Variants in DPP6 observed in about 807,000 individuals in gnomAD.
The protein encoded by DPP6 is dipeptidyl peptidase like 6, also known as A-type potassium channel modulatory protein DPP6.
DPP6 carries 69 observed loss-of-function variants against 122.6 expected under a neutral mutation model. The ratio of observed to expected loss-of-function variants is 0.56; its 90% CI spans 0.46 to 0.69. The LOEUF (loss-of-function observed/expected upper bound fraction) is 0.69, where lower values mean the gene tolerates loss of function less well. DPP6 is among the 30% of genes least tolerant of loss of function. DPP6 has a pLI of 0.00. For missense variants in DPP6, 928 were observed against 1,116.9 expected (o/e 0.83, Z 2.41); for synonymous variants, 418 against 433.1 (o/e 0.97, Z 0.43).
At chr7:154,560,824 C>T (rs138484373) in intron 4 of DPP6, among the ~76,000 whole-genome samples, 103 of 150,420 alleles carry the variant, frequency 6.8e-4, no homozygotes, top group Non-Finnish European at 1.1e-3. Context: ...CAGAGGTTGC[C>T]GTGAACTGAG....
intron 1 of DPP6, among the ~76,000 whole-genome samples, chr7:154,391,617 T>G (rs1814625390): frequency 6.6e-6 from 1 of 152,206 alleles, no homozygotes; most frequent in African/African-American, 2.4e-5. Flanking sequence ...GTTCCTCTTC[T>G]CTCAGATTTC....
At chr7:154,019,453 C>G (rs1798595101) in intron 1 of DPP6, among the ~76,000 whole-genome samples, 1 of 151,516 alleles carries the variant, frequency 6.6e-6, no homozygotes, top group Admixed American at 6.6e-5. Context: ...TTCCTTCCCT[C>G]CTTCCCTCCC....
At chr7:153,908,615 G>A (rs1269936681) in intron 1 of DPP6, among the ~76,000 whole-genome samples, 2 of 152,098 alleles carry the variant, frequency 1.3e-5, no homozygotes, top group Non-Finnish European at 2.9e-5. Flanking sequence ...TTAATTCAAT[G>A]TATTTCAAAT....
intron 3 of DPP6, among the ~76,000 whole-genome samples, chr7:154,522,090 G>T (rs567524774): frequency 6.6e-6 from 1 of 151,960 alleles, no homozygotes; most frequent in East Asian, 1.9e-4. Context: ...CAGCTTCCCG[G>T]GTAGCTGGGA....
intron 1 of DPP6, among the ~76,000 whole-genome samples, chr7:154,034,478 G>A (rs550211376): frequency 2.7e-4 from 41 of 152,208 alleles, no homozygotes; most frequent in African/African-American, 9.6e-4. Context: ...TTCTAGAGCT[G>A]TGGTCCCCTG....
rs3298 is a variant in DPP6, at chr7:154,894,163, G to A, written c.*1683G>A. Reference sequence around the variant, plus strand: ...GTTTGCTATTTCAATGGGCCTGAACGACTACAAAGCCAGCTAGGTCTGGAA... The same window carrying A: ...GTTTGCTATTTCAATGGGCCTGAACAACTACAAAGCCAGCTAGGTCTGGAA... On this transcript the variant is annotated 3_prime_UTR_variant, in exon 26 of 26. Coordinates refer to ENST00000377770, the MANE Select transcript of DPP6 (RefSeq NM_130797.4). The A allele has an allele frequency of 0.097, 14,844 of 152,308 alleles. 904 individuals carry two copies. Among genetic ancestry groups the A allele is most frequent in the Non-Finnish European group, 0.13 (9,089 of 68,038 alleles). 9.4% of individuals were successfully genotyped at this position (152,308 alleles called of 1,614,324 possible).
rs190795543 is a variant in DPP6 at position 154,141,649 on chromosome 7, T to C, written c.243+88586T>C. Among the ~76,000 whole-genome samples, 706 of 152,352 alleles carry C rather than the reference T, an allele frequency of 4.6e-3. 4 individuals are homozygous for C. Among genetic ancestry groups the C allele is most frequent in the South Asian group, 0.012 (60 of 4,820 alleles). ...CTGTTAGAAGGGACCTTTTTAAACTTGAAGGGCAGAGGCCCCCACGCAGCT... is the reference window on the plus strand; with the variant it reads ...CTGTTAGAAGGGACCTTTTTAAACTCGAAGGGCAGAGGCCCCCACGCAGCT... On this transcript the variant is annotated intron_variant, in intron 1 of 25. Transcript: ENST00000377770.
chr7:154,111,625 G>A (rs1806584284), intron 1 of DPP6, among the ~76,000 whole-genome samples: 1 of 133,990 alleles, frequency 7.5e-6, no homozygotes, highest in African/African-American at 3.0e-5. Context: ...GGTTTCGTGT[G>A]TGTGTGTGTG....
Position 154,587,626 on chromosome 7 carries a change from T to G in DPP6, c.627+20710T>G, listed in dbSNP as rs767322341. ...AATGGAATTGAGCTTTCTAAAATGA[T>G]TCTGCCCATCTCCCACTTTACAGAT... On this transcript the variant is annotated intron_variant, in intron 5 of 25. Coordinates refer to ENST00000377770, the MANE Select transcript of DPP6 (RefSeq NM_130797.4). 3.9e-5 allele frequency: 59 copies of G among 1,530,892 alleles called. 2 individuals are homozygous for G. The South Asian group carries it at 7.3e-4, about 19-fold the overall frequency. The allele number at this position is 1,530,892 out of a possible 1,614,324, so 94.8% of individuals were successfully genotyped here. A position where few individuals can be genotyped will look rare whatever the true frequency, so the allele number is the denominator to read the frequency against.
chr7:153,873,639 A>T, the DPP6 span, among the ~76,000 whole-genome samples: 1 of 152,224 alleles, frequency 6.6e-6, no homozygotes, highest in Non-Finnish European at 1.5e-5. Flanking sequence ...CTTCCTTGTG[A>T]ACAGGTGAAT....
At chr7:154,704,695 CA>C (rs1256779757) in intron 7 of DPP6, among the ~76,000 whole-genome samples, 1 of 152,212 alleles carries the variant, frequency 6.6e-6, no homozygotes, top group Non-Finnish European at 1.5e-5. Flanking sequence ...TTTTTAGCAA[CA>C]AAACATTTTT....
intron 16 of DPP6, among the ~76,000 whole-genome samples, chr7:154,850,188 C>T (rs1423549197): frequency 5.9e-5 from 9 of 152,132 alleles, no homozygotes. Flanking sequence ...TCCCTCACCC[C>T]CTCCTCCCCT....
At chr7:153,835,481 G>A in the DPP6 span, among the ~76,000 whole-genome samples, 1 of 151,976 alleles carries the variant, frequency 6.6e-6, no homozygotes, top group South Asian at 2.1e-4. Flanking sequence ...ATCCGCTTTA[G>A]TATTAGTTCT....
At chr7:153,877,595 G>C in the DPP6 span, among the ~76,000 whole-genome samples, 108 of 152,126 alleles carry the variant, frequency 7.1e-4, 1 homozygote, top group African/African-American at 2.5e-3. Context: ...TATGTGGTCT[G>C]TCATATGTTG....
chr7:154,248,056 C>T (rs182516817), intron 1 of DPP6, among the ~76,000 whole-genome samples: 1 of 152,212 alleles, frequency 6.6e-6, no homozygotes, highest in East Asian at 1.9e-4. Flanking sequence ...GGCCCTCTAC[C>T]AGGTTGTAGG....
At chr7:153,824,126 C>T in the DPP6 span, among the ~76,000 whole-genome samples, 291 of 152,292 alleles carry the variant, frequency 1.9e-3, 3 homozygotes, top group African/African-American at 6.5e-3. Context: ...CGGTGGCTTA[C>T]GCCCATAATC....
intron 12 of DPP6, among the ~76,000 whole-genome samples, chr7:154,800,216 G>A (rs972140998): frequency 1.2e-4 from 18 of 152,122 alleles, no homozygotes; most frequent in South Asian, 6.2e-4. Context: ...GCAGATTAAA[G>A]GTTCCATTTT....
At chr7:154,886,600 AG>A (rs1806174434) in intron 22 of DPP6, among the ~76,000 whole-genome samples, 1 of 152,196 alleles carries the variant, frequency 6.6e-6, no homozygotes, top group African/African-American at 2.4e-5. Flanking sequence ...CGTGGCAGCC[AG>A]GCTGTTCCCT....
intron 5 of DPP6, among the ~76,000 whole-genome samples, chr7:154,626,824 G>T (rs1835096740): frequency 1.3e-5 from 2 of 152,110 alleles, no homozygotes; most frequent in East Asian, 1.9e-4. Context: ...TTGTATAAAT[G>T]GTTGCAGTAA....
Sources: allele counts gnomAD v4.1 joint callset (sites outside exome capture counted in the v4.1 genomes callset), GRCh38; gene constraint gnomAD v4.1.1; transcripts MANE v1.5; gene names NCBI Gene and HGNC (gene_info 2026-07-23, HGNC 2026-07-21).